Variants in PCDHGA2 observed in about 807,000 individuals in gnomAD.
The protein encoded by PCDHGA2 is protocadherin gamma subfamily A, 2.
In PCDHGA2, 40 loss-of-function variants were observed where a neutral mutation model predicts 59.2. The ratio of observed to expected loss-of-function variants is 0.68; its 90% CI spans 0.52 to 0.88. The LOEUF (loss-of-function observed/expected upper bound fraction) is 0.88, where lower values mean the gene tolerates loss of function less well. PCDHGA2 is among the 40% of genes least tolerant of loss of function. PCDHGA2 has a pLI of 0.00. For synonymous variants in PCDHGA2, 560 were observed against 526.0 expected (o/e 1.06, Z -0.89); for missense variants, 1,226 against 1,204.0 (o/e 1.02, Z -0.27).
intron 1 of PCDHGA2, chr5:141,391,507 T>C (rs2092381186): frequency 6.6e-6 from 1 of 152,172 alleles, no homozygotes; most frequent in Non-Finnish European, 1.5e-5. Context: ...AGAAAATATT[T>C]TCTTTCACTA....
At chr5:141,427,056 T>C (rs1472513807) in intron 1 of PCDHGA2, 1 of 457,676 alleles carries the variant, frequency 2.2e-6, no homozygotes, top group Non-Finnish European at 4.4e-6. Flanking sequence ...CCCAGGCACC[T>C]CTGTACTAAA....
In PCDHGA2 at chr5:141,375,969, C is replaced by T. The variant is rs778872651; in HGVS notation, c.2424+34574C>T. 3 of 1,613,328 alleles carry T rather than the reference C, an allele frequency of 1.9e-6. No individual in the cohort carries two copies. The South Asian group carries it at 3.3e-5, about 18-fold the overall frequency. On this transcript the variant is annotated intron_variant, in intron 1 of 3. Transcript: ENST00000394576. ...CTGCACACGGGCGAGGTGCGCACGG[C>T]GCGCGCCCTGCTGGACAGAGACGCG...
intron 1 of PCDHGA2, chr5:141,387,576 G>C (rs534073702): frequency 2.1e-6 from 1 of 487,618 alleles, no homozygotes; most frequent in Non-Finnish European, 3.6e-6. Context: ...TATAATTATT[G>C]CACTGGTTAA....
intron 1 of PCDHGA2, chr5:141,345,918 G>A (rs555216092): frequency 6.2e-7 from 1 of 1,613,320 alleles, no homozygotes; most frequent in East Asian, 2.2e-5. Context: ...GGTGCGCACG[G>A]CGCGAGCCCT....
At position 141,487,571 on chromosome 5, in the gene PCDHGA2, G is replaced by A; in HGVS notation, c.2425-7236G>A. The A allele has an allele frequency of 4.3e-6, 7 of 1,614,178 alleles. No individual in the cohort carries two copies. The highest frequency in any genetic ancestry group is 5.9e-6 in the Non-Finnish European group (7 of 1,180,038). On this transcript the variant is annotated intron_variant, in intron 1 of 3. Coordinates refer to ENST00000394576, the MANE Select transcript of PCDHGA2 (RefSeq NM_018915.4). This position sits in a 1 kb window ranked among gnomAD's most constrained non-coding sequence, Gnocchi z 5.0. ...CAGTGCACCTATGGCAGGGGAGCCTGTTCGCCCAAGCTGCCCACCCTCTGA... is the reference window on the plus strand; with the variant it reads ...CAGTGCACCTATGGCAGGGGAGCCTATTCGCCCAAGCTGCCCACCCTCTGA...
rs1418271960 is a variant in PCDHGA2 at position 141,372,958 on chromosome 5, T to C, written c.2424+31563T>C. ...AGTAGGGTGTCTAGGAAATTCTTTG[T>C]AGAATTTCCTGTAGAATATCTGTGT... On this transcript the variant is annotated intron_variant, in intron 1 of 3. Transcript: ENST00000394576. 8.4e-6 allele frequency: 6 copies of C among 710,456 alleles called. No individual in the cohort carries two copies. The Middle Eastern group carries it at 1.1e-3, about 132-fold the overall frequency. The allele number at this position is 710,456 out of a possible 1,614,324, so 44.0% of individuals were successfully genotyped here. A position where few individuals can be genotyped will look rare whatever the true frequency, so the allele number is the denominator to read the frequency against.
At chr5:141,484,968 C>A (rs2099604490) in intron 1 of PCDHGA2, 2 of 585,734 alleles carry the variant, frequency 3.4e-6, no homozygotes, top group African/African-American at 3.7e-5. Context: ...GCCCGGGAGC[C>A]GCTGTCTGCC....
chr5:141,372,531 C>T (rs767186429), intron 1 of PCDHGA2: 1 of 1,614,032 alleles, frequency 6.2e-7, no homozygotes, highest in South Asian at 1.1e-5. Context: ...GGCAATCTCC[C>T]TGCGCCTGCG....
chr5:141,461,813 C>T (rs2099023751), intron 1 of PCDHGA2, among the ~76,000 whole-genome samples: 1 of 151,846 alleles, frequency 6.6e-6, no homozygotes, highest in African/African-American at 2.4e-5. Flanking sequence ...ACCACCACAC[C>T]CAGCTAATTT....
At chr5:141,370,773 A>G in intron 1 of PCDHGA2, 2 of 1,614,002 alleles carry the variant, frequency 1.2e-6, no homozygotes, top group Non-Finnish European at 1.7e-6. Flanking sequence ...CCAGGATATT[A>G]ACGACAACCC....
At chr5:141,451,597 C>CAAGG (rs1434393705) in intron 1 of PCDHGA2, among the ~76,000 whole-genome samples, 3 of 152,076 alleles carry the variant, frequency 2.0e-5, no homozygotes, top group Non-Finnish European at 2.9e-5. Flanking sequence ...AAGTGACATA[C>CAAGG]AAGGCTAGGC....
intron 2 of PCDHGA2, among the ~76,000 whole-genome samples, chr5:141,498,944 A>G (rs1249475504): frequency 7.2e-6 from 1 of 139,096 alleles, no homozygotes; most frequent in Non-Finnish European, 1.6e-5. Flanking sequence ...AAAGAAAGAA[A>G]GAAAAAGAGA....
intron 1 of PCDHGA2, chr5:141,385,052 G>T (rs559398944): frequency 1.2e-6 from 2 of 1,614,152 alleles, no homozygotes; most frequent in South Asian, 2.2e-5. Context: ...AGGCTGCGGC[G>T]CTGGCACAAG....
chr5:141,403,242 C>A, intron 1 of PCDHGA2: 1 of 1,613,932 alleles, frequency 6.2e-7, no homozygotes, highest in Non-Finnish European at 8.5e-7. Flanking sequence ...GAGCTCTGTG[C>A]TCAGAGCCCG....
At chr5:141,399,564 G>C (rs1284243936) in intron 1 of PCDHGA2, 3 of 1,614,038 alleles carry the variant, frequency 1.9e-6, no homozygotes, top group East Asian at 4.5e-5. Flanking sequence ...ACTTGGGGTT[G>C]AACGGCCAAG....
At chr5:141,375,793 C>G (rs761231690) in intron 1 of PCDHGA2, 1 of 1,614,110 alleles carries the variant, frequency 6.2e-7, no homozygotes, top group Non-Finnish European at 8.5e-7. Context: ...TCCCCACAGA[C>G]GGTTCCACTG....
At chr5:141,376,649 A>T in intron 1 of PCDHGA2, 1 of 978,990 alleles carries the variant, frequency 1.0e-6, no homozygotes, top group Non-Finnish European at 1.5e-6. Flanking sequence ...GTAAAGTGGA[A>T]GACTCCCTTG....
intron 3 of PCDHGA2, 152 bp from the exon 4 acceptor site, chr5:141,510,795 G>C (rs994874330): frequency 9.3e-5 from 136 of 1,465,100 alleles, no homozygotes; most frequent in Admixed American, 1.7e-4. Flanking sequence ...CTTGTGAAGA[G>C]AGACTACCTT....
chr5:141,375,006 A>G (rs774947515), intron 1 of PCDHGA2: 25 of 1,613,884 alleles, frequency 1.5e-5, no homozygotes, highest in Non-Finnish European at 1.8e-5. Context: ...GCAAATCTAG[A>G]CTATGAGGAC....
Sources: allele counts gnomAD v4.1 joint callset (sites outside exome capture counted in the v4.1 genomes callset), GRCh38; gene constraint gnomAD v4.1.1; non-coding constraint Gnocchi (gnomAD v3.1); transcripts MANE v1.5; gene names NCBI Gene and HGNC (gene_info 2026-07-23, HGNC 2026-07-21).